Variants in GSE1 observed in about 807,000 individuals in gnomAD.
GSE1 encodes genetic suppressor element 1.
In GSE1, 32 loss-of-function variants were observed where a neutral mutation model predicts 112.6. The ratio of observed to expected loss-of-function variants is 0.28; its 90% CI spans 0.21 to 0.38. The LOEUF (loss-of-function observed/expected upper bound fraction) is 0.38, where lower values mean the gene tolerates loss of function less well. Among genes scored for constraint, GSE1 ranks in the 10% least tolerant of loss-of-function variants. The pLI, the probability that GSE1 is intolerant of heterozygous loss-of-function variation, is 1.00. For missense variants in GSE1, 2,348 were observed against 1,699.2 expected (o/e 1.38, Z -6.71); for synonymous variants, 1,115 against 735.6 (o/e 1.52, Z -8.35).
At position 85,171,251 on chromosome 16, in the gene GSE1, C is replaced by T. The variant is rs958012741; in HGVS notation, c.1727C>T (p.Pro576Leu). ...CACCAGGCCTTCTCCGCCTCCGACC[C>T]TGCCCTCTCCGAGCTGCCGGCGTCG... The change falls in exon 1 of 3, where the codon CCT becomes CTT. Residue 576 changes from proline to leucine, a missense_variant. Transcript: ENST00000637419. 8 of 985,544 alleles carry T rather than the reference C, an allele frequency of 8.1e-6. No homozygotes were observed. In the Admixed American group the frequency reaches 3.1e-4, roughly 38 times the overall value. The allele number at this position is 985,544 out of a possible 1,614,324, so 61.0% of individuals were successfully genotyped here.
chr16:85,314,960 G>T (rs2045956818), intron 1 of GSE1, among the ~76,000 whole-genome samples: 1 of 152,232 alleles, frequency 6.6e-6, no homozygotes, highest in Non-Finnish European at 1.5e-5. Flanking sequence ...GAACACCCAG[G>T]ATGCTTAGAT....
chr16:85,335,362 G>T (rs961003740), intron 1 of GSE1, among the ~76,000 whole-genome samples: 8 of 152,374 alleles, frequency 5.3e-5, no homozygotes, highest in Non-Finnish European at 1.2e-4. Flanking sequence ...TCTTTCCTCG[G>T]CAAGCGAGTG....
At chr16:85,551,577 T>A (rs904686226), upstream of GSE1, among the ~76,000 whole-genome samples, 1 of 151,876 alleles carries the variant, frequency 6.6e-6, no homozygotes, top group African/African-American at 2.4e-5. Flanking sequence ...CGGGGCACGG[T>A]GGGGTTGCTT....
At chr16:85,325,624 G>A (rs1408796427) in intron 1 of GSE1, among the ~76,000 whole-genome samples, 1 of 151,736 alleles carries the variant, frequency 6.6e-6, no homozygotes, top group East Asian at 1.9e-4. Flanking sequence ...GCTAATTTTT[G>A]TATTTTTAGT....
In GSE1 at chr16:85,672,587, A is replaced by T. The variant is rs766256149; in HGVS notation, c.*48A>T. On this transcript the variant is annotated 3_prime_UTR_variant, in exon 16 of 16. Transcript: ENST00000253458. ...AACCTATAGTATAGAAATATTATCT[A>T]TTTTATTACCTTGAATATTTAATAT... 3.8e-6 allele frequency: 5 copies of T among 1,305,544 alleles called. No individual in the cohort carries two copies. The highest frequency in any genetic ancestry group is 2.2e-5 in the Admixed American group (1 of 44,598). The allele number at this position is 1,305,544 out of a possible 1,614,324, so 80.9% of individuals were successfully genotyped here. A position where few individuals can be genotyped will look rare whatever the true frequency, so the allele number is the denominator to read the frequency against.
intron 2 of GSE1, among the ~76,000 whole-genome samples, chr16:85,486,310 C>CAG (rs1235859540): frequency 1.3e-5 from 1 of 78,276 alleles, no homozygotes; most frequent in African/African-American, 1.1e-4. Context: ...CACACGTACG[C>CAG]ACACTCCTGC....
chr16:85,584,225 C>T (rs1310915017), intron 1 of GSE1, among the ~76,000 whole-genome samples: 4 of 152,136 alleles, frequency 2.6e-5, no homozygotes, highest in Non-Finnish European at 5.9e-5. Flanking sequence ...CAGGCTGGTT[C>T]GGGGCCCCTG....
chr16:85,462,467 A>G (rs2049994118), intron 2 of GSE1, among the ~76,000 whole-genome samples: 1 of 151,664 alleles, frequency 6.6e-6, no homozygotes, highest in South Asian at 2.1e-4. Flanking sequence ...GCCAGTGCCC[A>G]GGTCTGGGGA....
intron 2 of GSE1, among the ~76,000 whole-genome samples, chr16:85,647,134 A>T (rs2050938346): frequency 6.6e-6 from 1 of 152,146 alleles, no homozygotes; most frequent in African/African-American, 2.4e-5. Context: ...CCCCGGTCCA[A>T]ACCCCTGCCG....
intron 2 of GSE1, among the ~76,000 whole-genome samples, chr16:85,475,188 C>T (rs922972965): frequency 6.6e-6 from 1 of 152,252 alleles, no homozygotes; most frequent in Non-Finnish European, 1.5e-5. Context: ...TCCTTTCCTT[C>T]TCTTTCTCCC....
intron 1 of GSE1, among the ~76,000 whole-genome samples, chr16:85,256,163 T>C (rs1470049507): frequency 6.6e-6 from 1 of 150,622 alleles, no homozygotes; most frequent in Non-Finnish European, 1.5e-5. Flanking sequence ...GCCAACAGGG[T>C]GAGTTGGAGG....
chr16:85,419,556 T>C lies in GSE1; in HGVS notation c.2464+61913T>C, dbSNP rs1050071474. 6.6e-6 allele frequency among the ~76,000 whole-genome samples: 1 copy of C among 151,176 alleles called. No individual in the cohort carries two copies. The highest frequency in any genetic ancestry group is 1.5e-5 in the Non-Finnish European group (1 of 67,902). On this transcript the variant is annotated intron_variant, in intron 2 of 2. Transcript: ENST00000637419. The surrounding 1 kb of genome is among the most constrained non-coding windows in gnomAD (Gnocchi z 6.5). ...GGGAAATCGAGGCTGCAGTGAGCCA[T>C]GACTGCATCACTGTACTCCAGCCTG...
chr16:85,640,063 G>A (rs2050317156), intron 2 of GSE1, among the ~76,000 whole-genome samples: 1 of 152,218 alleles, frequency 6.6e-6, no homozygotes, highest in African/African-American at 2.4e-5. Flanking sequence ...GTGGGCTGGA[G>A]AGCCGCCGTC....
At chr16:85,614,709 T>TG in intron 1 of GSE1, among the ~76,000 whole-genome samples, 1 of 152,200 alleles carries the variant, frequency 6.6e-6, no homozygotes, top group East Asian at 1.9e-4. Context: ...GGTTTGGCTC[T>TG]TACAAACTAG....
At chr16:85,618,180 G>T (rs573266404) in intron 1 of GSE1, among the ~76,000 whole-genome samples, 1 of 152,216 alleles carries the variant, frequency 6.6e-6, no homozygotes, top group Admixed American at 6.5e-5. Context: ...TGTAATAGTG[G>T]CTTTGGGATC....
At position 85,373,091 on chromosome 16, in the gene GSE1, T is replaced by C. The variant is rs1386593445; in HGVS notation, c.2464+15448T>C. On this transcript the variant is annotated intron_variant, in intron 2 of 2. Transcript: ENST00000637419. This position sits in a 1 kb window ranked among gnomAD's most constrained non-coding sequence, Gnocchi z 5.1. Reference sequence around the variant, plus strand: ...CTTTGACTGTGAGGGCAGTGGGCTGTGGCCTTCTAGGCCCAGGTCCTCTGC... The same window carrying C: ...CTTTGACTGTGAGGGCAGTGGGCTGCGGCCTTCTAGGCCCAGGTCCTCTGC... Among the ~76,000 whole-genome samples, 1 of 152,252 alleles carries C rather than the reference T, an allele frequency of 6.6e-6. No homozygotes were observed. The highest frequency in any genetic ancestry group is 1.5e-5 in the Non-Finnish European group (1 of 68,042).
chr16:85,307,717 C>T (rs1013218281), intron 1 of GSE1, among the ~76,000 whole-genome samples: 17 of 152,220 alleles, frequency 1.1e-4, no homozygotes, highest in African/African-American at 3.9e-4. Flanking sequence ...CCTTAACCTC[C>T]AGCACCTCCG....
chr16:85,170,117 ACGGGGCCCCAGGGCCAGGGCCTCG>A (rs2074334641), exon 1 of GSE1: 1 of 985,056 alleles, frequency 1.0e-6, no homozygotes, highest in Non-Finnish European at 1.2e-6. Context: ...CCCCACCAGG[ACGGGGCCCCAGGGCCAGGGCCTCG>A]CGGGGGGCGC....
In GSE1 at chr16:85,661,444, G is replaced by A; in HGVS notation, c.1939G>A (p.Asp647Asn). 6.2e-7 allele frequency: 1 copy of A among 1,611,870 alleles called. No individual in the cohort carries two copies. Among genetic ancestry groups the A allele is most frequent in the Non-Finnish European group, 8.5e-7 (1 of 1,179,520 alleles). Residue 647 changes from aspartate (D) to asparagine (N), a missense_variant, in exon 9 of 16, where the codon GAC (aspartate) becomes AAC (asparagine). Coordinates refer to ENST00000253458, the MANE Select transcript of GSE1 (RefSeq NM_014615.5). Reference sequence around the variant, plus strand: ...ACGGAAGCGTGAGCCTGCCCCTCTGGACAAGTACCAGCCACCTCCGCCGCC... The same window carrying A: ...ACGGAAGCGTGAGCCTGCCCCTCTGAACAAGTACCAGCCACCTCCGCCGCC... ...GPRKREPAPL[D>N]KYQPPPPPPR...
Sources: gnomAD v4.1 joint callset for allele counts (sites outside exome capture counted in the v4.1 genomes callset) on GRCh38, gnomAD v4.1.1 for gene constraint, Gnocchi (gnomAD v3.1) non-coding constraint, MANE v1.5 for transcripts, NCBI Gene and HGNC (gene_info 2026-07-23, HGNC 2026-07-21) for gene names.